Variants in TTLL11 observed in about 807,000 individuals in gnomAD.
The protein encoded by TTLL11 is tubulin tyrosine ligase like 11.
A neutral mutation model predicts 51.7 loss-of-function variants in TTLL11; 42 were observed. The ratio of observed to expected loss-of-function variants is 0.81; its 90% CI spans 0.64 to 1.05. The LOEUF (loss-of-function observed/expected upper bound fraction) is 1.05. TTLL11 is among the 50% of genes least tolerant of loss of function. The pLI is 0.00. For synonymous variants in TTLL11, 381 were observed against 383.5 expected (o/e 0.99, Z 0.08); for missense variants, 799 against 940.4 (o/e 0.85, Z 1.97).
chr9:121,915,669 T>A (rs996610047), intron 6 of TTLL11, among the ~76,000 whole-genome samples: 6 of 152,192 alleles, frequency 3.9e-5, no homozygotes, highest in Admixed American at 6.6e-5. Flanking sequence ...AACAAAAAAA[T>A]TGCTATTTTC....
At chr9:121,929,008 A>G (rs1840858692) in intron 6 of TTLL11, among the ~76,000 whole-genome samples, 1 of 152,212 alleles carries the variant, frequency 6.6e-6, no homozygotes, top group Non-Finnish European at 1.5e-5. Context: ...TGAATAAAAA[A>G]CAATCTTTAG....
rs563595682 is a variant in TTLL11, at chr9:121,825,552, G to A, written c.1841-2673C>T. ...CATTCTGGCTCAGGCGTCTTGTCCA[G>A]GACTGTGACAATCTGTGGGTTGCAA... On this transcript the variant is annotated intron_variant, in intron 8 of 8. Transcript: ENST00000321582. 1.8e-3 allele frequency among the ~76,000 whole-genome samples: 267 copies of A among 152,254 alleles called. 2 individuals are homozygous for A. Among genetic ancestry groups the A allele is most frequent in the African/African-American group, 4.7e-3 (197 of 41,546 alleles).
intron 6 of TTLL11, among the ~76,000 whole-genome samples, chr9:121,871,529 T>C (rs1838357858): frequency 6.6e-6 from 1 of 152,178 alleles, no homozygotes; most frequent in Non-Finnish European, 1.5e-5. Flanking sequence ...AGCCAACCCC[T>C]GCTCTGCCCC....
At chr9:121,857,676 A>T (rs1290404591) in intron 8 of TTLL11, among the ~76,000 whole-genome samples, 1 of 152,214 alleles carries the variant, frequency 6.6e-6, no homozygotes. Context: ...TGTGCTAAAA[A>T]TAAGTATTTT....
chr9:122,088,478 T>C (rs559104597), intron 1 of TTLL11, among the ~76,000 whole-genome samples: 2 of 152,358 alleles, frequency 1.3e-5, no homozygotes, highest in South Asian at 4.1e-4. Flanking sequence ...ATATTTCAAA[T>C]GCTAGCTCTG....
chr9:122,039,566 A>C (rs1319362851), intron 1 of TTLL11, among the ~76,000 whole-genome samples, 198 bp from the exon 2 acceptor site: 1 of 152,196 alleles, frequency 6.6e-6, no homozygotes, highest in Non-Finnish European at 1.5e-5. Flanking sequence ...AACTTGTTCC[A>C]AGTGGTAGAG....
chr9:121,831,983 C>T (rs907269814), intron 8 of TTLL11, among the ~76,000 whole-genome samples: 16 of 152,152 alleles, frequency 1.1e-4, no homozygotes, highest in African/African-American at 2.2e-4. Context: ...TGCAGACGGC[C>T]GCCTTCTTGC....
At chr9:122,035,315 C>G (rs563559219) in intron 2 of TTLL11, among the ~76,000 whole-genome samples, 2 of 152,300 alleles carry the variant, frequency 1.3e-5, no homozygotes, top group African/African-American at 4.8e-5. Flanking sequence ...GTTCCCCTAT[C>G]GATTGGGAAA....
At chr9:121,931,669 T>G (rs1840988680) in intron 6 of TTLL11, among the ~76,000 whole-genome samples, 1 of 151,922 alleles carries the variant, frequency 6.6e-6, no homozygotes, top group South Asian at 2.1e-4. Context: ...CATGAACTAT[T>G]TAAATGCCTT....
chr9:121,933,884 A>G (rs1031369143), intron 6 of TTLL11, among the ~76,000 whole-genome samples: 2 of 152,218 alleles, frequency 1.3e-5, no homozygotes, highest in Non-Finnish European at 1.5e-5. Context: ...GTTAGTTGCA[A>G]TATGGAAGCT....
chr9:121,927,357 C>A (rs540076139), intron 6 of TTLL11, among the ~76,000 whole-genome samples: 1 of 152,330 alleles, frequency 6.6e-6, no homozygotes, highest in South Asian at 2.1e-4. Context: ...TCTCTCTAAG[C>A]TTTTCAGTTC....
chr9:121,980,046 AC>A (rs1168927573), intron 4 of TTLL11, among the ~76,000 whole-genome samples: 1 of 151,176 alleles, frequency 6.6e-6, no homozygotes, highest in Non-Finnish European at 1.5e-5. Context: ...CAAAACTCCT[AC>A]CCCCTTGTAG....
chr9:121,930,095 G>C (rs889257848), intron 6 of TTLL11, among the ~76,000 whole-genome samples: 1 of 152,190 alleles, frequency 6.6e-6, no homozygotes, highest in Non-Finnish European at 1.5e-5. Flanking sequence ...AGAGCTAGAA[G>C]AGTTCCTTAA....
At chr9:121,841,804 C>A (rs1388762907) in intron 8 of TTLL11, among the ~76,000 whole-genome samples, 1 of 151,996 alleles carries the variant, frequency 6.6e-6, no homozygotes, top group Admixed American at 6.6e-5. Context: ...TCGGCTTGAC[C>A]CACTAGATGC....
At chr9:121,841,758 C>T (rs1191404399) in intron 8 of TTLL11, among the ~76,000 whole-genome samples, 1 of 152,080 alleles carries the variant, frequency 6.6e-6, no homozygotes, top group Non-Finnish European at 1.5e-5. Flanking sequence ...TTGTGGGGGT[C>T]TGTCTTGTGC....
intron 1 of TTLL11, among the ~76,000 whole-genome samples, chr9:122,085,482 G>A (rs934170151): frequency 1.3e-5 from 2 of 152,170 alleles, no homozygotes; most frequent in African/African-American, 4.8e-5. Context: ...GTGAGTGGCT[G>A]TGTCATCTGC....
chr9:121,880,221 T>C (rs1243457041), intron 6 of TTLL11, among the ~76,000 whole-genome samples: 1 of 152,118 alleles, frequency 6.6e-6, no homozygotes, highest in Non-Finnish European at 1.5e-5. Context: ...CAGAGAAAGA[T>C]TTTTTGAAGT....
chr9:121,862,266 AAATCCTGACTG>A (rs1296116145), intron 7 of TTLL11, among the ~76,000 whole-genome samples: 1 of 151,940 alleles, frequency 6.6e-6, no homozygotes, highest in Non-Finnish European at 1.5e-5. Context: ...ATTAGGATTT[AAATCCTGACTG>A]GAATCTTTTC....
intron 1 of TTLL11, among the ~76,000 whole-genome samples, chr9:122,054,037 G>A (rs1290184283): frequency 2.0e-5 from 3 of 152,176 alleles, no homozygotes; most frequent in Non-Finnish European, 4.4e-5. Context: ...GATCTATGAA[G>A]TTTCCTTTTC....
Sources: gnomAD v4.1 joint callset for allele counts (sites outside exome capture counted in the v4.1 genomes callset) on GRCh38, gnomAD v4.1.1 for gene constraint, MANE v1.5 for transcripts, NCBI Gene and HGNC (gene_info 2026-07-23, HGNC 2026-07-21) for gene names.